SERGEF: variants seen among roughly 807,000 people sequenced by gnomAD.
The protein encoded by SERGEF is secretion-regulating guanine nucleotide exchange factor.
A neutral mutation model predicts 50.0 loss-of-function variants in SERGEF; 51 were observed. The observed-to-expected ratio is 1.02, with a 90% CI of 0.81 to 1.29. The LOEUF (loss-of-function observed/expected upper bound fraction) is 1.29, where lower values mean the gene tolerates loss of function less well. SERGEF is among the 50% of genes most tolerant of loss of function. The probability of loss-of-function intolerance (pLI) is 0.00; values close to 1 mark genes in which losing one functional copy is unlikely to be tolerated. For missense variants in SERGEF, 521 were observed against 557.0 expected, an observed-to-expected ratio of 0.94 and a Z score of 0.65; for synonymous variants, 205 against 212.4, an observed-to-expected ratio of 0.97 and a Z score of 0.30.
At chr11:17,918,690 C>T (rs1267272739) in intron 9 of SERGEF, 1 of 454,118 alleles carries the variant, frequency 2.2e-6, no homozygotes, top group East Asian at 7.0e-5. Context: ...TTTCTCTCCC[C>T]CTACCTACTG....
intron 10 of SERGEF, among the ~76,000 whole-genome samples, chr11:17,869,538 A>G (rs1481759143): frequency 2.0e-5 from 3 of 152,178 alleles, no homozygotes; most frequent in South Asian, 2.1e-4. Flanking sequence ...GTGAGGGCCT[A>G]TTCCTTTTAG....
rs1851468187 is a variant in SERGEF at position 17,888,337 on chromosome 11, A to G, written c.1012-10093T>C. 6.6e-6 allele frequency among the ~76,000 whole-genome samples: 1 copy of G among 152,244 alleles called. No individual in the cohort carries two copies. Among genetic ancestry groups the G allele is most frequent in the Non-Finnish European group, 1.5e-5 (1 of 68,040 alleles). ...TATAACTGCTCTGAAGGGGGTCAGA[A>G]TAACTCTTGAACACAGTACTTTGAC... On this transcript the variant is annotated intron_variant, in intron 9 of 10. Transcript: ENST00000265965. This position sits in a 1 kb window ranked among gnomAD's most constrained non-coding sequence, Gnocchi z 4.1.
In SERGEF at chr11:17,995,133, G is replaced by C. The variant is rs111748309; in HGVS notation, c.622+663C>G. Among the ~76,000 whole-genome samples, 30 of 152,268 alleles carry C rather than the reference G, an allele frequency of 2.0e-4. No homozygotes were observed. The East Asian group carries it at 2.7e-3, about 14-fold the overall frequency. Reference sequence around the variant, plus strand: ...GAGAGAGAGACAGGGGAAGAAGGGTGGGGGGAAGAAAAGGAAGGAGAAAAT... The same window carrying C: ...GAGAGAGAGACAGGGGAAGAAGGGTCGGGGGAAGAAAAGGAAGGAGAAAAT... On this transcript the variant is annotated intron_variant, in intron 6 of 10. Transcript: ENST00000265965.
chr11:17,811,539 C>T (rs936946657), intron 10 of SERGEF, among the ~76,000 whole-genome samples: 7 of 152,216 alleles, frequency 4.6e-5, no homozygotes, highest in Admixed American at 2.6e-4. Flanking sequence ...CTCATGCTTC[C>T]AGACATGCTG....
intron 2 of SERGEF, 125 bp from the exon 3 acceptor site, chr11:18,006,871 T>C (rs1317567081): frequency 9.3e-7 from 1 of 1,071,300 alleles, no homozygotes; most frequent in Non-Finnish European, 1.4e-6. Context: ...TCCAAGTTAA[T>C]AAGCTGTGTA....
intron 8 of SERGEF, among the ~76,000 whole-genome samples, chr11:17,976,048 C>T (rs533664413): frequency 3.3e-5 from 5 of 152,284 alleles, no homozygotes; most frequent in Middle Eastern, 3.4e-3. Context: ...TTAAGGCCCT[C>T]ATTTTACAGG....
intron 1 of SERGEF, among the ~76,000 whole-genome samples, chr11:18,012,097 G>C (rs1238306205): frequency 1.3e-5 from 2 of 152,000 alleles, no homozygotes; most frequent in Non-Finnish European, 2.9e-5. Context: ...TCATTCATTC[G>C]TCAACGAGTA....
At chr11:17,970,719 GA>G (rs1853230298) in intron 8 of SERGEF, among the ~76,000 whole-genome samples, 1 of 152,184 alleles carries the variant, frequency 6.6e-6, no homozygotes, top group Admixed American at 6.5e-5. Context: ...CCTTTTTGCT[GA>G]TATAGAGAAA....
Position 18,011,137 on chromosome 11 carries a change from T to TACACACACAC in SERGEF, c.60+1804_60+1813dup, listed in dbSNP as rs57370560. ...CATATCACACGTGCACATGCACACATACACACACACACACACACACACACA... is the reference window on the plus strand; with the variant it reads ...CATATCACACGTGCACATGCACACATACACACACACACACACACACACACACACACACACA... On this transcript the variant is annotated intron_variant, in intron 1 of 10. Coordinates refer to ENST00000265965, the MANE Select transcript of SERGEF (RefSeq NM_012139.4). 6.3e-3 allele frequency among the ~76,000 whole-genome samples: 927 copies of TACACACACAC among 147,726 alleles called. 7 individuals carry two copies. Among genetic ancestry groups the TACACACACAC allele is most frequent in the African/African-American group, 8.7e-3 (350 of 40,336 alleles).
chr11:17,801,149 A>C (rs1457443904), intron 10 of SERGEF, among the ~76,000 whole-genome samples: 3 of 150,132 alleles, frequency 2.0e-5, no homozygotes, highest in South Asian at 2.1e-4. Context: ...GAGCCGAGAT[A>C]GCGCCACTGC....
chr11:17,978,717 C>A (rs1033387170), intron 8 of SERGEF, among the ~76,000 whole-genome samples: 1 of 152,200 alleles, frequency 6.6e-6, no homozygotes, highest in Non-Finnish European at 1.5e-5. Flanking sequence ...TGTCCTTATG[C>A]AAGACCCTTT....
intron 10 of SERGEF, among the ~76,000 whole-genome samples, chr11:17,801,087 C>T (rs1194338636): frequency 2.0e-5 from 3 of 150,208 alleles, no homozygotes; most frequent in East Asian, 2.0e-4. Flanking sequence ...CCCAGCTACT[C>T]GGGAGGCTGA....
At chr11:17,855,380 C>G (rs1850799397) in intron 10 of SERGEF, 1 of 152,164 alleles carries the variant, frequency 6.6e-6, no homozygotes, top group Non-Finnish European at 1.5e-5. Flanking sequence ...CACTAGGGGA[C>G]AGTCAGTACT....
chr11:17,849,497 T>C (rs1850674592), intron 10 of SERGEF, among the ~76,000 whole-genome samples: 1 of 150,338 alleles, frequency 6.7e-6, no homozygotes, highest in South Asian at 2.2e-4. Context: ...ACCCCACCCT[T>C]GAGGCTAATG....
intron 10 of SERGEF, among the ~76,000 whole-genome samples, chr11:17,834,011 T>C (rs1229853200): frequency 6.6e-6 from 1 of 152,062 alleles, no homozygotes; most frequent in Non-Finnish European, 1.5e-5. Context: ...GAAGGCATGA[T>C]TGGTTTTGAA....
intron 10 of SERGEF, among the ~76,000 whole-genome samples, chr11:17,816,734 CAG>C (rs1342137815): frequency 6.6e-6 from 1 of 152,200 alleles, no homozygotes; most frequent in Non-Finnish European, 1.5e-5. Flanking sequence ...ATCTGTCCTG[CAG>C]AGTCTTGTCT....
At chr11:17,902,827 A>C (rs1851771499) in intron 9 of SERGEF, among the ~76,000 whole-genome samples, 1 of 152,208 alleles carries the variant, frequency 6.6e-6, no homozygotes, top group Non-Finnish European at 1.5e-5. Flanking sequence ...GCTTTCTAGA[A>C]GACAAGGGAC....
At chr11:18,009,733 AT>A (rs912564243) in intron 1 of SERGEF, among the ~76,000 whole-genome samples, 92 of 152,242 alleles carry the variant, frequency 6.0e-4, no homozygotes, top group Admixed American at 3.1e-3. Context: ...TATTATTATT[AT>A]TATACAAAAA....
At chr11:17,800,287 C>T (rs1849645857) in intron 10 of SERGEF, among the ~76,000 whole-genome samples, 1 of 152,142 alleles carries the variant, frequency 6.6e-6, no homozygotes, top group Non-Finnish European at 1.5e-5. Context: ...CATCCCGCAC[C>T]ACTGACACAC....
Sources: allele counts gnomAD v4.1 joint callset (sites outside exome capture counted in the v4.1 genomes callset), GRCh38; gene constraint gnomAD v4.1.1; non-coding constraint Gnocchi (gnomAD v3.1); transcripts MANE v1.5; gene names NCBI Gene and HGNC (gene_info 2026-07-23, HGNC 2026-07-21).